PKHD1L1: variants seen among roughly 807,000 people sequenced by gnomAD.
PKHD1L1 encodes the protein PKHD1 like 1, also known as fibrocystin-L.
Under a neutral mutation model 462.9 loss-of-function variants are expected in PKHD1L1, and 434 were observed. The ratio of observed to expected loss-of-function variants is 0.94; its 90% confidence interval spans 0.87 to 1.02. The LOEUF (loss-of-function observed/expected upper bound fraction) is 1.02, where lower values mean the gene tolerates loss of function less well. PKHD1L1 is among the 50% of genes least tolerant of loss of function. The probability of loss-of-function intolerance (pLI) is 0.00; values close to 1 mark genes in which losing one functional copy is unlikely to be tolerated. For missense variants in PKHD1L1, 5,202 were observed against 5,096.1 expected (o/e 1.02, Z -0.63); for synonymous variants, 1,781 against 1,750.0 (o/e 1.02, Z -0.44).
In PKHD1L1 at chr8:109,406,472, A is replaced by G. The variant is rs998167296; in HGVS notation, c.1807A>G (p.Thr603Ala). Residue 603 changes from threonine (T) to alanine (A), a missense_variant, in exon 17 of 78, where the codon ACT (threonine) becomes GCT (alanine). By Grantham distance (58) the Thr-to-Ala change is moderately conservative (BLOSUM62 0). Around this residue, in one of 3 missense-constraint regions of PKHD1L1, gnomAD observed 4,497 missense variants for 4,336.8 expected, o/e 1.04. Coordinates refer to ENST00000378402, the MANE Select transcript of PKHD1L1 (RefSeq NM_177531.6). The part of the protein sequence containing the change: ...SYVYMVTFIS[T>A]RGDFDLLGYE... ...TGTCTACATGGTAACATTCATATCA[A>G]CTAGAGGTAAGCATGTACTTAATTT... 6.3e-7 allele frequency: 1 copy of G among 1,598,272 alleles called. No individual in the cohort carries two copies. The highest frequency in any genetic ancestry group is 1.3e-5 in the African/African-American group (1 of 74,552).
intron 27 of PKHD1L1, 138 bp downstream of exon 27, chr8:109,430,175 A>T: frequency 2.1e-6 from 1 of 485,824 alleles, no homozygotes; most frequent in Non-Finnish European, 3.6e-6. Context: ...TGTGAAAATT[A>T]AAAACCCTAT....
At chr8:109,378,430 C>G (rs1345225870) in intron 2 of PKHD1L1, among the ~76,000 whole-genome samples, 1 of 152,216 alleles carries the variant, frequency 6.6e-6, no homozygotes, top group Non-Finnish European at 1.5e-5. Context: ...ACTTCTTCAA[C>G]CACACTTGCT....
chr8:109,487,728 A>G (rs1243747533), intron 59 of PKHD1L1, among the ~76,000 whole-genome samples: 1 of 151,722 alleles, frequency 6.6e-6, no homozygotes, highest in African/African-American at 2.4e-5. Context: ...TTAGTCAAGA[A>G]TTATGCCAGA....
chr8:109,520,234 T>C (rs1361626825), intron 73 of PKHD1L1, among the ~76,000 whole-genome samples: 2 of 152,108 alleles, frequency 1.3e-5, no homozygotes, highest in African/African-American at 2.4e-5. Flanking sequence ...TCACTTGGAC[T>C]TACAGGCTCA....
chr8:109,478,117 G>A (rs1406425414), intron 53 of PKHD1L1, among the ~76,000 whole-genome samples: 1 of 152,098 alleles, frequency 6.6e-6, no homozygotes, highest in Non-Finnish European at 1.5e-5. Context: ...CATTTAGTGG[G>A]CACTGAATAG....
chr8:109,423,831 C>T (rs571132494), intron 23 of PKHD1L1, among the ~76,000 whole-genome samples: 31 of 152,218 alleles, frequency 2.0e-4, no homozygotes, highest in African/African-American at 6.5e-4. Context: ...TTACATTTAT[C>T]GGCATTTTGC....
In PKHD1L1 at chr8:109,452,241, A is replaced by G; in HGVS notation, c.6468A>G (p.Pro2156=). The G allele has an allele frequency of 6.2e-7, 1 of 1,611,204 alleles. No homozygotes were observed. Among genetic ancestry groups the G allele is most frequent in the South Asian group, 1.1e-5 (1 of 90,492 alleles). The change falls in exon 42 of 78, where the codon CCA becomes CCG. Residue 2156 remains proline (P), a synonymous_variant. Transcript: ENST00000378402. ...CCCATACTCTATCAGGGTGGGCTCCAGTTTGTGTCCACATCAGAGGTGTCG... is the reference window on the plus strand; with the variant it reads ...CCCATACTCTATCAGGGTGGGCTCCGGTTTGTGTCCACATCAGAGGTGTCG... ...TDAHTLSGWA[P]VCVHIRGVGM...
At chr8:109,404,153 A>T (rs1813409257) in intron 14 of PKHD1L1, among the ~76,000 whole-genome samples, 1 of 152,214 alleles carries the variant, frequency 6.6e-6, no homozygotes, top group South Asian at 2.1e-4. Flanking sequence ...CTACTCAGAT[A>T]TAAAATATAT....
chr8:109,465,308 T>A lies in PKHD1L1; in HGVS notation c.8413+63T>A, dbSNP rs73704018. ...GAAATATGTTTGTGTTAGCACAGAA[T>A]TGAATTGTTAAAGCAGACTTAGGTG... On this transcript the variant is annotated intron_variant, in intron 49 of 77. Transcript: ENST00000378402. 72 of 1,522,444 alleles carry A rather than the reference T, an allele frequency of 4.7e-5. No individual in the cohort carries two copies. In the African/African-American group the frequency reaches 9.2e-4, roughly 19 times the overall value. The allele number at this position is 1,522,444 out of a possible 1,614,324, so 94.3% of individuals were successfully genotyped here.
At chr8:109,413,303 G>T in intron 20 of PKHD1L1, 118 bp from the exon 21 acceptor site, 1 of 680,222 alleles carries the variant, frequency 1.5e-6, no homozygotes, top group Non-Finnish European at 2.1e-6. Context: ...CTGTGTTCTG[G>T]TACGTTTTAT....
Position 109,522,036 on chromosome 8 carries a change from A to T in PKHD1L1, c.12032-150A>T, listed in dbSNP as rs1820576723. The T allele has an allele frequency of 4.8e-6, 3 of 621,306 alleles. No homozygotes were observed. In the East Asian group the frequency reaches 1.0e-4, roughly 21 times the overall value. 38.5% of individuals were successfully genotyped at this position (621,306 alleles called of 1,614,324 possible). On this transcript the variant is annotated intron_variant, in intron 73 of 77. Transcript: ENST00000378402. ...TCCTTTTCCTCCCCTCATTAATATG[A>T]CTGCTGTGTTTTGCTCAGGTAAGAC...
intron 19 of PKHD1L1, among the ~76,000 whole-genome samples, chr8:109,410,947 TC>T (rs1019265527): frequency 3.3e-5 from 5 of 151,894 alleles, no homozygotes; most frequent in Admixed American, 6.6e-5. Flanking sequence ...CAGGATGGTC[TC>T]GATCTCTTGA....
chr8:109,365,551 ATTATT>A (rs1811186717), intron 2 of PKHD1L1, among the ~76,000 whole-genome samples: 1 of 152,204 alleles, frequency 6.6e-6, no homozygotes, highest in Non-Finnish European at 1.5e-5. Flanking sequence ...ATTGTTAAAG[ATTATT>A]TTATATTATT....
rs1817150280 is a variant in PKHD1L1 at position 109,461,833 on chromosome 8, A to G, written c.7308A>G (p.Gln2436=). The change falls in exon 48 of 78, where the codon CAA becomes CAG. Residue 2436 remains glutamine, a synonymous_variant. Coordinates refer to ENST00000378402, the MANE Select transcript of PKHD1L1 (RefSeq NM_177531.6). ...GKFGEEIGSD[Q]FGGCVMFHAP... Reference sequence around the variant, plus strand: ...TTGGAGAAGAAATAGGAAGTGACCAATTTGGAGGCTGCGTTATGTTTCATG... The same window carrying G: ...TTGGAGAAGAAATAGGAAGTGACCAGTTTGGAGGCTGCGTTATGTTTCATG... 1.9e-6 allele frequency: 3 copies of G among 1,608,122 alleles called. No homozygotes were observed. The South Asian group carries it at 3.3e-5, about 18-fold the overall frequency.
At chr8:109,479,385 A>G (rs1255620068) in intron 53 of PKHD1L1, among the ~76,000 whole-genome samples, 166 bp from the exon 54 acceptor site, 1 of 152,014 alleles carries the variant, frequency 6.6e-6, no homozygotes, top group African/African-American at 2.4e-5. Flanking sequence ...CCTACTCCCC[A>G]TGAAATAGCA....
chr8:109,368,548 T>C (rs963352917), intron 2 of PKHD1L1, among the ~76,000 whole-genome samples: 1 of 152,224 alleles, frequency 6.6e-6, no homozygotes, highest in African/African-American at 2.4e-5. Flanking sequence ...ATTTATGTTA[T>C]AGGTCTGGTT....
intron 67 of PKHD1L1, chr8:109,499,450 A>G (rs959650530): frequency 1.3e-5 from 2 of 152,236 alleles, no homozygotes; most frequent in African/African-American, 4.8e-5. Flanking sequence ...TGTGAAACAA[A>G]TTAGCAACAC....
chr8:109,497,214 T>C lies in PKHD1L1; in HGVS notation c.10541T>C (p.Met3514Thr), dbSNP rs1819138580. 6.2e-7 allele frequency: 1 copy of C among 1,613,580 alleles called. No individual in the cohort carries two copies. The highest frequency in any genetic ancestry group is 8.5e-7 in the Non-Finnish European group (1 of 1,179,638). Reference protein sequence around the residue: ...LVDNGMAIFPMIYMPAAISHK... With the variant: ...LVDNGMAIFPTIYMPAAISHK... ...GACAATGGAATGGCCATTTTTCCAA[T>C]GATTTACATGCCAGCTGCTATATCA... Residue 3514 changes from methionine to threonine, a missense_variant, in exon 65 of 78, where the codon ATG (methionine) becomes ACG (threonine). Physicochemically the swap from Met to Thr is moderately conservative, Grantham distance 81 (BLOSUM62 -1). This residue lies in a region of PKHD1L1 where 4,497 missense variants were observed against 4,336.8 expected (regional missense o/e 1.04). Coordinates refer to ENST00000378402, the MANE Select transcript of PKHD1L1 (RefSeq NM_177531.6).
chr8:109,452,850 A>C lies in PKHD1L1; in HGVS notation c.6640A>C (p.Ile2214Leu). The change falls in exon 43 of 78, where the codon ATT becomes CTT. Residue 2214 changes from isoleucine (I) to leucine (L), a missense_variant. Coordinates refer to ENST00000378402, the MANE Select transcript of PKHD1L1 (RefSeq NM_177531.6). ...QTILLDQSTP[I>L]LKMLLIQGGT... is the part of the protein sequence containing the mutation. ...CATTCTGCTGGATCAAAGCACCCCT[A>C]TTTTGAAAATGTTGCTTATTCAGGG... is the stretch of plus-strand genomic sequence containing the variant. 1 of 1,489,754 alleles carries C rather than the reference A, an allele frequency of 6.7e-7. No homozygotes were observed. The highest frequency in any genetic ancestry group is 8.9e-7 in the Non-Finnish European group (1 of 1,119,862). 92.3% of individuals were successfully genotyped at this position (1,489,754 alleles called of 1,614,324 possible). A position where few individuals can be genotyped will look rare whatever the true frequency, so the allele number is the denominator to read the frequency against.
Sources: allele counts gnomAD v4.1 joint callset (sites outside exome capture counted in the v4.1 genomes callset), GRCh38; gene constraint gnomAD v4.1.1; regional missense constraint gnomAD v4.1.1; transcripts MANE v1.5; gene names NCBI Gene and HGNC (gene_info 2026-07-23, HGNC 2026-07-21).